The following PDE11A variants were observed in gnomAD, a reference collection of about 807,000 sequenced individuals.
PDE11A encodes phosphodiesterase 11A, also known as dual 3',5'-cyclic-AMP and -GMP phosphodiesterase 11A.
Under a neutral mutation model 100.5 loss-of-function variants are expected in PDE11A, and 100 were observed. The observed-to-expected ratio is 1.00, with a 90% CI of 0.85 to 1.18. PDE11A has a LOEUF of 1.18. Among genes scored for constraint, PDE11A ranks in the 50% most tolerant of loss-of-function variants. The probability of loss-of-function intolerance (pLI) is 0.00; values close to 1 mark genes in which losing one functional copy is unlikely to be tolerated. For missense variants in PDE11A, 1,141 were observed against 1,152.6 expected (o/e 0.99, Z 0.15); for synonymous variants, 381 against 420.8 (o/e 0.91, Z 1.16).
At chr2:177,961,390 A>T (rs2085630320) in intron 2 of PDE11A, among the ~76,000 whole-genome samples, 1 of 152,110 alleles carries the variant, frequency 6.6e-6, no homozygotes, top group Non-Finnish European at 1.5e-5. Flanking sequence ...TCTAGTATAG[A>T]GGCTGTATCG....
chr2:177,947,836 A>C (rs1048305363), intron 2 of PDE11A, among the ~76,000 whole-genome samples: 3 of 151,912 alleles, frequency 2.0e-5, no homozygotes, highest in Non-Finnish European at 4.4e-5. Flanking sequence ...TTTTACATTA[A>C]AAAGAAAAGC....
At chr2:178,010,370 TGGCTGACC>T (rs1450821563) in intron 2 of PDE11A, among the ~76,000 whole-genome samples, 2 of 152,356 alleles carry the variant, frequency 1.3e-5, no homozygotes, top group Admixed American at 6.5e-5. Context: ...GAAGTCTGCT[TGGCTGACC>T]AAGGAAAACT....
At chr2:177,851,932 A>T (rs780812997) in intron 5 of PDE11A, among the ~76,000 whole-genome samples, 4 of 151,960 alleles carry the variant, frequency 2.6e-5, no homozygotes, top group Non-Finnish European at 5.9e-5. Flanking sequence ...CCCAGTGTGC[A>T]CTGTTCCCCT....
intron 4 of PDE11A, among the ~76,000 whole-genome samples, chr2:177,881,335 C>T (rs1345754660): frequency 7.2e-6 from 1 of 138,692 alleles, no homozygotes; most frequent in African/African-American, 2.7e-5. Flanking sequence ...TATCTATCAT[C>T]TATCTGTCTA....
At chr2:177,913,219 C>T (rs945256225) in intron 2 of PDE11A, among the ~76,000 whole-genome samples, 1 of 152,024 alleles carries the variant, frequency 6.6e-6, no homozygotes, top group Non-Finnish European at 1.5e-5. Context: ...AGGTTGCTTC[C>T]AATTTTAGAT....
chr2:178,029,931 A>G (rs2086523865), intron 1 of PDE11A, among the ~76,000 whole-genome samples: 1 of 152,118 alleles, frequency 6.6e-6, no homozygotes, highest in Non-Finnish European at 1.5e-5. Context: ...CTTTCACCAT[A>G]TGATGCCTTC....
At chr2:177,869,504 G>A (rs1406670531) in intron 5 of PDE11A, among the ~76,000 whole-genome samples, 3 of 152,158 alleles carry the variant, frequency 2.0e-5, no homozygotes, top group Admixed American at 6.6e-5. Context: ...AGCCTTTTCA[G>A]CTTCCTTTTG....
intron 2 of PDE11A, among the ~76,000 whole-genome samples, chr2:178,103,758 CAGAT>C (rs557075732): frequency 8.6e-5 from 13 of 151,480 alleles, no homozygotes; most frequent in Non-Finnish European, 1.2e-4. Context: ...CATTCTTAGA[CAGAT>C]AGATAGATAG....
intron 5 of PDE11A, among the ~76,000 whole-genome samples, chr2:177,864,421 C>A (rs1297932407): frequency 6.6e-6 from 1 of 152,052 alleles, no homozygotes; most frequent in Non-Finnish European, 1.5e-5. Context: ...ACTAAAGTAA[C>A]ATTTTTACTA....
At chr2:177,928,658 C>T (rs1390189871) in intron 2 of PDE11A, among the ~76,000 whole-genome samples, 1 of 152,196 alleles carries the variant, frequency 6.6e-6, no homozygotes, top group African/African-American at 2.4e-5. Context: ...TGCCTATAAT[C>T]TCAGCACTTT....
chr2:177,661,009 C>G (rs1281804043), intron 19 of PDE11A, among the ~76,000 whole-genome samples: 1 of 152,150 alleles, frequency 6.6e-6, no homozygotes, highest in African/African-American at 2.4e-5. Context: ...AACTCCCACC[C>G]TCTGTAGACT....
chr2:177,653,017 G>A (rs1190990675), intron 19 of PDE11A, among the ~76,000 whole-genome samples: 1 of 152,160 alleles, frequency 6.6e-6, no homozygotes, highest in African/African-American at 2.4e-5. Context: ...AGTGGACCAG[G>A]GCAGGTAAGT....
intron 2 of PDE11A, among the ~76,000 whole-genome samples, chr2:177,913,733 A>G (rs2105745666): frequency 6.6e-6 from 1 of 152,200 alleles, no homozygotes; most frequent in Middle Eastern, 3.4e-3. Flanking sequence ...TACTTCATTC[A>G]TCTTAATGTC....
intron 2 of PDE11A, among the ~76,000 whole-genome samples, chr2:177,994,614 C>T (rs986446526): frequency 3.3e-5 from 5 of 152,144 alleles, no homozygotes; most frequent in Middle Eastern, 3.2e-3. Context: ...TGACTTATTA[C>T]GATGTGCATT....
chr2:177,945,629 C>CG (rs1460702778), intron 2 of PDE11A, among the ~76,000 whole-genome samples: 3 of 151,278 alleles, frequency 2.0e-5, no homozygotes, highest in Admixed American at 2.0e-4. Flanking sequence ...CCGGCAGCCG[C>CG]CCCGTCTGGG....
Position 177,629,574 on chromosome 2 carries a change from CAA to C in PDE11A, c.2647-14_2647-13del, listed in dbSNP as rs550375406. On this transcript the variant is annotated splice_polypyrimidine_tract_variant and intron_variant, in intron 19 of 19. Transcript: ENST00000286063. ...ACCTTCACCAGTGCCTAAAACAAAA[CAA>C]AACAAAACACAGGTGGAGGAGAGAG... The C allele has an allele frequency of 1.4e-4, 227 of 1,596,258 alleles. No individual in the cohort carries two copies. The African/African-American group carries it at 2.8e-3, about 20-fold the overall frequency.
intron 7 of PDE11A, 41 bp downstream of exon 7, chr2:177,820,179 T>C (rs745370921): frequency 8.5e-6 from 9 of 1,060,858 alleles, no homozygotes; most frequent in East Asian, 2.4e-5. Flanking sequence ...AAACTTCTGT[T>C]TCTTTATTCA....
At chr2:177,647,967 C>T (rs1447392579) in intron 19 of PDE11A, among the ~76,000 whole-genome samples, 1 of 151,880 alleles carries the variant, frequency 6.6e-6, no homozygotes, top group Non-Finnish European at 1.5e-5. Context: ...TAAAAATTAG[C>T]TTGGTGTGGT....
intron 1 of PDE11A, among the ~76,000 whole-genome samples, chr2:178,071,239 A>C (rs2087123002): frequency 6.6e-6 from 1 of 152,218 alleles, no homozygotes; most frequent in African/African-American, 2.4e-5. Flanking sequence ...TGTGGATGCC[A>C]GACCAGCCAA....
Sources: allele counts gnomAD v4.1 joint callset (sites outside exome capture counted in the v4.1 genomes callset), GRCh38; gene constraint gnomAD v4.1.1; transcripts MANE v1.5; gene names NCBI Gene and HGNC (gene_info 2026-07-23, HGNC 2026-07-21).